Variants in ABL1 observed in about 807,000 individuals in gnomAD.
ABL1 encodes tyrosine-protein kinase ABL1.
In ABL1, 11 loss-of-function variants were observed where a neutral mutation model predicts 94.7. That is an observed-to-expected ratio of 0.12 (90% CI 0.07 to 0.19). ABL1 has a LOEUF of 0.19. Ranked by LOEUF, ABL1 falls within the 10% of genes least tolerant of loss-of-function variation. The probability of loss-of-function intolerance (pLI) is 1.00; values close to 1 mark genes in which losing one functional copy is unlikely to be tolerated. For missense variants in ABL1, 1,082 were observed against 1,489.4 expected, an observed-to-expected ratio of 0.73 and a Z score of 4.50; for synonymous variants, 656 against 622.4, an observed-to-expected ratio of 1.05 and a Z score of -0.80.
intron 1 of ABL1, among the ~76,000 whole-genome samples, chr9:130,797,489 C>T (rs1438925949): frequency 6.6e-6 from 1 of 152,148 alleles, no homozygotes; most frequent in Non-Finnish European, 1.5e-5. Flanking sequence ...ATTCTCGTGC[C>T]TCAGCCTCCC....
chr9:130,885,349 A>G lies in ABL1; in HGVS notation c.3059A>G (p.Glu1020Gly). ...VSLRKTRQPP[E>G]RIASGAITKG... is the part of the protein sequence containing the mutation. The stretch of plus-strand genomic sequence containing the variant: ...CTTCGGAAAACCCGCCAGCCTCCAG[A>G]GCGGATCGCCAGCGGCGCCATCACC... The change falls in exon 11 of 11, where the codon GAG (glutamate) becomes GGG (glycine). Residue 1020 changes from glutamate (E) to glycine (G), a missense_variant. Transcript: ENST00000318560. The G allele has an allele frequency of 6.2e-7, 1 of 1,613,618 alleles. No individual in the cohort carries two copies. Among genetic ancestry groups the G allele is most frequent in the South Asian group, 1.1e-5 (1 of 91,076 alleles).
intron 1 of ABL1, among the ~76,000 whole-genome samples, chr9:130,841,060 T>A (rs557377510): frequency 7.9e-5 from 12 of 152,280 alleles, no homozygotes; most frequent in African/African-American, 2.6e-4. Flanking sequence ...CTGGGCCACA[T>A]TGGGAGAAAA....
chr9:130,849,926 G>A (rs747004375), intron 1 of ABL1, among the ~76,000 whole-genome samples: 95 of 152,168 alleles, frequency 6.2e-4, no homozygotes, highest in Non-Finnish European at 1.0e-3. Flanking sequence ...GTCCTTGTGT[G>A]TCAAGAATGC....
intron 4 of ABL1, among the ~76,000 whole-genome samples, chr9:130,867,911 C>T (rs1432268400): frequency 6.6e-6 from 1 of 151,500 alleles, no homozygotes; most frequent in East Asian, 1.9e-4. Flanking sequence ...AATCGCCTTC[C>T]TCAGTCTAAC....
intron 1 of ABL1, among the ~76,000 whole-genome samples, chr9:130,717,891 T>C (rs997077577): frequency 1.3e-5 from 2 of 152,036 alleles, no homozygotes; most frequent in African/African-American, 4.8e-5. Flanking sequence ...CACATGCCTC[T>C]AATCCCAGCT....
Position 130,884,619 on chromosome 9 carries a change from C to CGAG in ABL1, c.2331_2333dup (p.Gly778dup). The CGAG allele has an allele frequency of 6.2e-7, 1 of 1,613,330 alleles. No individual in the cohort carries two copies. The highest frequency in any genetic ancestry group is 8.5e-7 in the Non-Finnish European group (1 of 1,180,006). ...GGAGAACAGGTCTGACCAGGTGACCCGAGGCACAGTAACGCCTCCCCCCAG... is the reference window on the plus strand; with the variant it reads ...GGAGAACAGGTCTGACCAGGTGACCCGAGGAGGCACAGTAACGCCTCCCCCCAG... On this transcript the variant is annotated inframe_insertion, in exon 11 of 11. Coordinates refer to ENST00000318560, the MANE Select transcript of ABL1 (RefSeq NM_005157.6). This position sits in a 1 kb window ranked among gnomAD's most constrained non-coding sequence, Gnocchi z 5.6.
chr9:130,747,488 A>G (rs933388109), intron 1 of ABL1, among the ~76,000 whole-genome samples: 1 of 152,104 alleles, frequency 6.6e-6, no homozygotes, highest in Non-Finnish European at 1.5e-5. Flanking sequence ...ACCTCAGCTC[A>G]CTGCAACCTC....
chr9:130,834,968 C>G, upstream of ABL1: 3 of 453,444 alleles, frequency 6.6e-6, no homozygotes, highest in African/African-American at 2.0e-5. Flanking sequence ...GGTGGAGTTG[C>G]GCGCGGCTTC....
At chr9:130,774,075 T>C (rs1235665757) in intron 1 of ABL1, among the ~76,000 whole-genome samples, 1 of 152,208 alleles carries the variant, frequency 6.6e-6, no homozygotes, top group Non-Finnish European at 1.5e-5. Flanking sequence ...CATAATTATC[T>C]TGAGATTCAT....
chr9:130,743,128 A>G lies in ABL1; in HGVS notation c.136+28673A>G, dbSNP rs1831840387. ...GCTCTTGTTGCCCAGGCTAGAGTGC[A>G]GTGGCGTGATATCGGCTCACTGCAA... On this transcript the variant is annotated intron_variant, in intron 1 of 10. Transcript: ENST00000372348. Among the ~76,000 whole-genome samples, 3 of 152,174 alleles carry G rather than the reference A, an allele frequency of 2.0e-5. No homozygotes were observed. The South Asian group carries it at 6.2e-4, about 31-fold the overall frequency.
chr9:130,751,229 C>G (rs974780661), intron 1 of ABL1, among the ~76,000 whole-genome samples: 3 of 143,222 alleles, frequency 2.1e-5, no homozygotes, highest in Non-Finnish European at 3.0e-5. Context: ...GCAACCTCTG[C>G]CTCCCCGGTT....
chr9:130,740,426 G>T (rs79399504), intron 1 of ABL1, among the ~76,000 whole-genome samples: 1 of 152,304 alleles, frequency 6.6e-6, no homozygotes, highest in East Asian at 1.9e-4. Context: ...TTCCAAAGGC[G>T]CCCCAGACAT....
chr9:130,866,336 A>T (rs1226642957), intron 4 of ABL1, among the ~76,000 whole-genome samples: 1 of 152,108 alleles, frequency 6.6e-6, no homozygotes, highest in Non-Finnish European at 1.5e-5. Flanking sequence ...AGCCACAGTT[A>T]TGCCTTTTAA....
intron 1 of ABL1, among the ~76,000 whole-genome samples, chr9:130,798,537 C>T (rs1830010451): frequency 6.6e-6 from 1 of 152,050 alleles, no homozygotes; most frequent in Admixed American, 6.6e-5. Flanking sequence ...TCTTGAAAAC[C>T]CTACAGCACT....
chr9:130,727,212 C>T (rs1356903076), intron 1 of ABL1, among the ~76,000 whole-genome samples: 1 of 150,498 alleles, frequency 6.6e-6, no homozygotes, highest in African/African-American at 2.4e-5. Flanking sequence ...TTTGTACTTA[C>T]TTCATCTATA....
chr9:130,766,903 T>C (rs558775254), intron 1 of ABL1, among the ~76,000 whole-genome samples: 27 of 152,316 alleles, frequency 1.8e-4, no homozygotes, highest in East Asian at 1.5e-3. Flanking sequence ...CAGTTTCCTG[T>C]CCCTCGATGG....
rs187169341 is a variant in ABL1, at chr9:130,789,761, A to C, written c.137-64303A>C. ...ATCAAATATAATGTTCAGAAGTAAAAAGCATAATCATTGAGATAAAAAATT... is the reference window on the plus strand; with the variant it reads ...ATCAAATATAATGTTCAGAAGTAAACAGCATAATCATTGAGATAAAAAATT... On this transcript the variant is annotated intron_variant, in intron 1 of 10. Coordinates refer to the ABL1 transcript ENST00000372348. 5.1e-3 allele frequency among the ~76,000 whole-genome samples: 773 copies of C among 152,346 alleles called. 1 individual carries two copies. Among genetic ancestry groups the C allele is most frequent in the Non-Finnish European group, 8.5e-3 (578 of 68,034 alleles).
At chr9:130,725,234 T>C (rs1006294894) in intron 1 of ABL1, among the ~76,000 whole-genome samples, 2 of 152,094 alleles carry the variant, frequency 1.3e-5, no homozygotes, top group East Asian at 3.9e-4. Flanking sequence ...AAAAATAATA[T>C]CCCATTTCCC....
At chr9:130,816,452 G>A (rs151006905) in intron 1 of ABL1, among the ~76,000 whole-genome samples, 234 of 151,730 alleles carry the variant, frequency 1.5e-3, no homozygotes, top group African/African-American at 5.4e-3. Flanking sequence ...GGGATTACAG[G>A]TGTGAGCTAC....
Sources: gnomAD v4.1 joint callset for allele counts (sites outside exome capture counted in the v4.1 genomes callset) on GRCh38, gnomAD v4.1.1 for gene constraint, Gnocchi (gnomAD v3.1) non-coding constraint, MANE v1.5 for transcripts, NCBI Gene and HGNC (gene_info 2026-07-23, HGNC 2026-07-21) for gene names.